TLN2: variants seen among roughly 807,000 people sequenced by gnomAD.
TLN2 encodes talin-2.
In TLN2, 118 loss-of-function variants were observed where a neutral mutation model predicts 294.7. The observed-to-expected ratio is 0.40, with a 90% confidence interval of 0.34 to 0.47. The LOEUF is 0.47. Ranked by LOEUF, TLN2 falls within the 20% of genes least tolerant of loss-of-function variation. TLN2 has a pLI of 0.84. For synonymous variants in TLN2, 1,431 were observed against 1,304.5 expected (o/e 1.10, Z -2.09); for missense variants, 3,083 against 3,282.2 (o/e 0.94, Z 1.48).
intron 27 of TLN2, 142 bp downstream of exon 27, chr15:62,725,246 G>A: frequency 7.7e-7 from 1 of 1,292,114 alleles, no homozygotes; most frequent in Non-Finnish European, 1.0e-6. Flanking sequence ...AGAATGCCCA[G>A]GGCAGCTGGA....
chr15:62,783,484 C>G (rs2064361633), intron 44 of TLN2, among the ~76,000 whole-genome samples: 1 of 152,254 alleles, frequency 6.6e-6, no homozygotes, highest in African/African-American at 2.4e-5. Flanking sequence ...CTCCAAGCTG[C>G]ACAGCCCGAA....
At chr15:62,714,008 C>A (rs951136902) in intron 22 of TLN2, among the ~76,000 whole-genome samples, 16 of 150,848 alleles carry the variant, frequency 1.1e-4, no homozygotes, top group African/African-American at 3.9e-4. Context: ...TACCCCACCT[C>A]TCTCAGTCTA....
chr15:62,820,374 AGGTCAGGCTCCT>A (rs1490157709), intron 53 of TLN2, 100 bp from the exon 54 acceptor site: 3 of 1,103,992 alleles, frequency 2.7e-6, no homozygotes, highest in Non-Finnish European at 3.6e-6. Flanking sequence ...AGGACAATGC[AGGTCAGGCTCCT>A]GGAGCCTTCA....
intron 35 of TLN2, among the ~76,000 whole-genome samples, chr15:62,752,961 G>C (rs2062018056): frequency 6.6e-6 from 1 of 152,076 alleles, no homozygotes; most frequent in South Asian, 2.1e-4. Flanking sequence ...TTCATCATTT[G>C]ACAGTTACCT....
intron 2 of TLN2, among the ~76,000 whole-genome samples, chr15:62,614,112 A>G (rs1187350135): frequency 1.3e-5 from 2 of 152,198 alleles, no homozygotes; most frequent in Non-Finnish European, 2.9e-5. Flanking sequence ...TGTACAGTTT[A>G]TTGTATATAA....
At chr15:62,801,073 G>GA in intron 50 of TLN2, among the ~76,000 whole-genome samples, 1 of 152,300 alleles carries the variant, frequency 6.6e-6, no homozygotes, top group Admixed American at 6.5e-5. Context: ...TGGAAAAAGG[G>GA]AAAGTCAGTA....
At chr15:62,697,590 A>G (rs11629976) in intron 14 of TLN2, 98 bp from the exon 15 acceptor site, 86,633 of 1,373,450 alleles carry the variant, frequency 0.063, 3,132 homozygotes, top group Non-Finnish European at 0.073. Flanking sequence ...TGGCCTTCAC[A>G]GCATAAAGCA....
At chr15:62,714,276 C>T (rs1431023940) in intron 22 of TLN2, among the ~76,000 whole-genome samples, 5 of 137,400 alleles carry the variant, frequency 3.6e-5, no homozygotes, top group African/African-American at 1.3e-4. Context: ...AGTCTTGGCT[C>T]ATTGCAAGCT....
At chr15:62,827,765 A>G (rs2068360242) in intron 54 of TLN2, 1 of 152,232 alleles carries the variant, frequency 6.6e-6, no homozygotes, top group South Asian at 2.1e-4. Context: ...GAAAAAAACA[A>G]TTTTTGATAA....
chr15:62,647,958 T>C (rs918553780), intron 4 of TLN2, among the ~76,000 whole-genome samples: 3 of 152,180 alleles, frequency 2.0e-5, no homozygotes, highest in African/African-American at 4.8e-5. Flanking sequence ...CTCATCCCCG[T>C]TAATCTGAGT....
intron 9 of TLN2, among the ~76,000 whole-genome samples, chr15:62,661,457 T>C (rs1346873021): frequency 6.6e-6 from 1 of 152,110 alleles, no homozygotes; most frequent in Non-Finnish European, 1.5e-5. Flanking sequence ...AAATAACCTG[T>C]ATAGCTTTCA....
At chr15:62,741,748 C>CGCGCGCGCGTGTGT in intron 32 of TLN2, among the ~76,000 whole-genome samples, 2 of 131,072 alleles carry the variant, frequency 1.5e-5, no homozygotes, top group African/African-American at 2.9e-5. Context: ...AAAATTTGCG[C>CGCGCGCGCGTGTGT]GTGTGTGTGT....
chr15:62,719,579 C>T (rs1428067976), intron 24 of TLN2, among the ~76,000 whole-genome samples, 188 bp from the exon 25 acceptor site: 1 of 152,030 alleles, frequency 6.6e-6, no homozygotes, highest in Non-Finnish European at 1.5e-5. Context: ...GAGAAAATGC[C>T]CAGAAAATGG....
chr15:62,615,882 G>C (rs1015189415), intron 2 of TLN2, among the ~76,000 whole-genome samples: 4 of 152,160 alleles, frequency 2.6e-5, no homozygotes, highest in Admixed American at 6.5e-5. Flanking sequence ...AGCATGGTGA[G>C]TGTTCAGACT....
intron 42 of TLN2, among the ~76,000 whole-genome samples, chr15:62,772,346 G>T (rs976088475): frequency 1.3e-5 from 2 of 152,156 alleles, no homozygotes; most frequent in Admixed American, 6.5e-5. Context: ...AATATTAAGC[G>T]CCAGCCACTG....
At chr15:62,489,283 C>T (rs1049974848) in intron 1 of TLN2, among the ~76,000 whole-genome samples, 2 of 152,186 alleles carry the variant, frequency 1.3e-5, no homozygotes, top group African/African-American at 2.4e-5. Context: ...TTGGTATCTT[C>T]AATGATTCAT....
intron 1 of TLN2, among the ~76,000 whole-genome samples, chr15:62,437,736 C>T (rs566030287): frequency 9.2e-4 from 119 of 128,736 alleles, no homozygotes; most frequent in African/African-American, 3.1e-3. Context: ...ACGGTACTTT[C>T]AAAAAACACC....
intron 1 of TLN2, among the ~76,000 whole-genome samples, chr15:62,473,156 G>A (rs895796337): frequency 2.0e-5 from 3 of 152,320 alleles, no homozygotes; most frequent in Middle Eastern, 3.4e-3. Flanking sequence ...GTCCCAGGGC[G>A]TAGACTTTTA....
At position 62,653,331 on chromosome 15, in the gene TLN2, G is replaced by C; in HGVS notation, c.517+17G>C. The C allele has an allele frequency of 2.5e-6, 4 of 1,605,332 alleles. No homozygotes were observed. The highest frequency in any genetic ancestry group is 3.4e-6 in the Non-Finnish European group (4 of 1,176,498). On this transcript the variant is annotated intron_variant, in intron 7 of 58. Coordinates refer to ENST00000636159, the MANE Select transcript of TLN2 (RefSeq NM_015059.3). ...ATGATGACCGTAAGTGTTTGCAGAG[G>C]AAGCATGATACAGACACACAGGCTT...
Sources: gnomAD v4.1 joint callset for allele counts (sites outside exome capture counted in the v4.1 genomes callset) on GRCh38, gnomAD v4.1.1 for gene constraint, MANE v1.5 for transcripts, NCBI Gene and HGNC (gene_info 2026-07-23, HGNC 2026-07-21) for gene names.